RAB20: variants seen among roughly 807,000 people sequenced by gnomAD.
RAB20 encodes the protein RAB20, member RAS oncogene family, also known as ras-related protein Rab-20.
RAB20 carries 2 observed loss-of-function variants against 3.7 expected under a neutral mutation model. The observed-to-expected ratio is 0.54, with a 90% CI of 0.22 to 1.69. RAB20 has a LOEUF of 1.69. Ranked by LOEUF, RAB20 falls within the 40% of genes most tolerant of loss-of-function variation. RAB20 has a pLI of 0.19. For missense variants in RAB20, 276 were observed against 311.9 expected, an observed-to-expected ratio of 0.88 and a Z score of 0.87; for synonymous variants, 126 against 130.8, an observed-to-expected ratio of 0.96 and a Z score of 0.25.
intron 1 of RAB20, among the ~76,000 whole-genome samples, chr13:110,527,900 T>TAA (rs1398743171): frequency 1.4e-5 from 2 of 138,124 alleles, no homozygotes; most frequent in African/African-American, 5.5e-5. Context: ...TCTCTACAAA[T>TAA]ACACACACAC....
At chr13:110,546,473 C>T (rs1448014582) in intron 1 of RAB20, among the ~76,000 whole-genome samples, 2 of 152,184 alleles carry the variant, frequency 1.3e-5, no homozygotes, top group East Asian at 3.8e-4. Flanking sequence ...ATGGTAGCGT[C>T]CCGAAAGGCA....
chr13:110,549,596 T>G (rs777607683), intron 1 of RAB20, among the ~76,000 whole-genome samples: 2 of 152,252 alleles, frequency 1.3e-5, no homozygotes, highest in African/African-American at 4.8e-5. Flanking sequence ...TAGACCCTCC[T>G]TCCAGAGAGG....
chr13:110,551,018 G>C (rs1884942995), intron 1 of RAB20, among the ~76,000 whole-genome samples: 1 of 152,042 alleles, frequency 6.6e-6, no homozygotes, highest in African/African-American at 2.4e-5. Context: ...TATCATTCAG[G>C]GTCAATACAT....
intron 1 of RAB20, among the ~76,000 whole-genome samples, chr13:110,546,107 T>C (rs1469626292): frequency 6.6e-6 from 1 of 151,542 alleles, no homozygotes; most frequent in Non-Finnish European, 1.5e-5. Context: ...AAAAAAAGCC[T>C]CAGCCATTTA....
chr13:110,561,576 T>G lies in RAB20; in HGVS notation c.-57A>C. On this transcript the variant is annotated 5_prime_UTR_variant, in exon 1 of 2. Transcript: ENST00000267328. ...CCTCTCCCCGAGGCTGGCCGGCTCG[T>G]GCGCCCTGGGCGCAGCTGGAGGAGC... 2 of 1,500,690 alleles carry G rather than the reference T, an allele frequency of 1.3e-6. No homozygotes were observed. Among genetic ancestry groups the G allele is most frequent in the Admixed American group, 2.3e-5 (1 of 43,856 alleles). The allele number at this position is 1,500,690 out of a possible 1,614,324, so 93.0% of individuals were successfully genotyped here.
At chr13:110,531,487 G>A (rs1884539707) in intron 1 of RAB20, among the ~76,000 whole-genome samples, 1 of 152,218 alleles carries the variant, frequency 6.6e-6, no homozygotes, top group Non-Finnish European at 1.5e-5. Context: ...TCCCCACCGT[G>A]TGACCTTGGG....
intron 1 of RAB20, among the ~76,000 whole-genome samples, chr13:110,531,237 A>G (rs1884535213): frequency 6.6e-6 from 1 of 151,968 alleles, no homozygotes; most frequent in South Asian, 2.1e-4. Flanking sequence ...TGGTCTAACC[A>G]CCCCCAGAGG....
intron 1 of RAB20, among the ~76,000 whole-genome samples, chr13:110,552,531 A>C (rs1383249163): frequency 6.6e-6 from 1 of 151,706 alleles, no homozygotes; most frequent in Non-Finnish European, 1.5e-5. Context: ...GTCTCTACTA[A>C]AAATACAAAA....
Position 110,523,645 on chromosome 13 carries a change from G to A in RAB20, c.*20C>T. ...CCCCTTCCCAACATGCACAGTCTGA[G>A]TCCAGGAGGCCCTCGAAAGTCAGGC... On this transcript the variant is annotated 3_prime_UTR_variant, in exon 2 of 2. Coordinates refer to ENST00000267328, the MANE Select transcript of RAB20 (RefSeq NM_017817.3). The A allele has an allele frequency of 6.2e-7, 1 of 1,609,090 alleles. No homozygotes were observed. Among genetic ancestry groups the A allele is most frequent in the South Asian group, 1.1e-5 (1 of 90,564 alleles).
intron 1 of RAB20, among the ~76,000 whole-genome samples, chr13:110,531,879 G>A (rs780201155): frequency 4.6e-5 from 7 of 152,210 alleles, no homozygotes; most frequent in Non-Finnish European, 8.8e-5. Flanking sequence ...ATGGCCCAGG[G>A]TTCAGGCAGA....
chr13:110,561,340 G>T lies in RAB20; in HGVS notation c.172+8C>A. 1 of 1,591,346 alleles carries T rather than the reference G, an allele frequency of 6.3e-7. No homozygotes were observed. Among genetic ancestry groups the T allele is most frequent in the Non-Finnish European group, 8.5e-7 (1 of 1,169,976 alleles). The stretch of plus-strand genomic sequence containing the variant: ...AGGGCGGTGTGGCTCATGCGGCGCC[G>T]GCCTCACCTGCGGTGTCCCAGATGG... On this transcript the variant is annotated splice_region_variant and intron_variant, in intron 1 of 1. Coordinates refer to ENST00000267328, the MANE Select transcript of RAB20 (RefSeq NM_017817.3).
At chr13:110,530,449 G>A (rs1451891754) in intron 1 of RAB20, among the ~76,000 whole-genome samples, 1 of 111,410 alleles carries the variant, frequency 9.0e-6, no homozygotes, top group Non-Finnish European at 1.8e-5. Context: ...TAGGGAAGTA[G>A]GTCCCACCCG....
chr13:110,539,155 G>A (rs1229371642), intron 1 of RAB20, among the ~76,000 whole-genome samples: 1 of 152,178 alleles, frequency 6.6e-6, no homozygotes, highest in Non-Finnish European at 1.5e-5. Context: ...ATTTATAGTT[G>A]CTTTAATTTT....
In RAB20 at chr13:110,554,367, C is replaced by T. The variant is rs908065972; in HGVS notation, c.172+6981G>A. Among the ~76,000 whole-genome samples, 4 of 152,160 alleles carry T rather than the reference C, an allele frequency of 2.6e-5. No individual in the cohort carries two copies. In the East Asian group the frequency reaches 5.8e-4, roughly 22 times the overall value. On this transcript the variant is annotated intron_variant, in intron 1 of 1. Transcript: ENST00000267328. ...ATATGACACAGCCTCCACCCCATTCCGTTAGGAGCAGCTGTCATGTGGCTG... is the reference window on the plus strand; with the variant it reads ...ATATGACACAGCCTCCACCCCATTCTGTTAGGAGCAGCTGTCATGTGGCTG...
intron 1 of RAB20, among the ~76,000 whole-genome samples, chr13:110,552,637 G>C (rs1437108950): frequency 6.6e-6 from 1 of 151,714 alleles, no homozygotes; most frequent in East Asian, 1.9e-4. Flanking sequence ...AGCTTGCAGT[G>C]AGCCAAGACC....
At chr13:110,535,463 G>A (rs1205558685) in intron 1 of RAB20, among the ~76,000 whole-genome samples, 1 of 152,218 alleles carries the variant, frequency 6.6e-6, no homozygotes, top group African/African-American at 2.4e-5. Context: ...CCACTTCGTG[G>A]GTCACGTCTT....
intron 1 of RAB20, among the ~76,000 whole-genome samples, chr13:110,536,111 C>T (rs1189534083): frequency 6.6e-6 from 1 of 152,172 alleles, no homozygotes; most frequent in Non-Finnish European, 1.5e-5. Flanking sequence ...GGCAGACCCC[C>T]GGGGAGGAGA....
rs1211315051 is a variant in RAB20 at position 110,561,699 on chromosome 13, C to T, written c.-180G>A. The T allele has an allele frequency of 3.5e-6, 4 of 1,155,232 alleles. 1 individual carries two copies. Among genetic ancestry groups the T allele is most frequent in the Non-Finnish European group, 4.5e-6 (4 of 886,408 alleles). The allele number at this position is 1,155,232 out of a possible 1,614,324, so 71.6% of individuals were successfully genotyped here. On this transcript the variant is annotated 5_prime_UTR_variant, in exon 1 of 2. Coordinates refer to ENST00000267328, the MANE Select transcript of RAB20 (RefSeq NM_017817.3). ...CAAGAGAGGAAGCGCGTGTGCGCGC[C>T]CGGGAAGGAGCTGGGTGCAGAGCAC... is the stretch of plus-strand genomic sequence containing the variant.
chr13:110,552,427 C>T (rs1594138692), intron 1 of RAB20, among the ~76,000 whole-genome samples: 1 of 150,918 alleles, frequency 6.6e-6, no homozygotes, highest in East Asian at 2.0e-4. Flanking sequence ...GGCGCAGTGG[C>T]TCACGCCTGT....
Sources: allele counts gnomAD v4.1 joint callset (sites outside exome capture counted in the v4.1 genomes callset), GRCh38; gene constraint gnomAD v4.1.1; transcripts MANE v1.5; gene names NCBI Gene and HGNC (gene_info 2026-07-23, HGNC 2026-07-21).